Variants in SPAG16 observed in about 807,000 individuals in gnomAD.
SPAG16 encodes the protein sperm associated antigen 16.
SPAG16 carries 86 observed loss-of-function variants against 80.4 expected under a neutral mutation model. The observed-to-expected ratio is 1.07, with a 90% CI of 0.90 to 1.28. SPAG16 has a LOEUF of 1.28. SPAG16 is among the 50% of genes most tolerant of loss of function. The pLI, the probability that SPAG16 is intolerant of heterozygous loss-of-function variation, is 0.00. For synonymous variants in SPAG16, 294 were observed against 265.9 expected, an observed-to-expected ratio of 1.11 and a Z score of -1.03; for missense variants, 870 against 765.3, an observed-to-expected ratio of 1.14 and a Z score of -1.61.
intron 15 of SPAG16, chr2:214,239,030 A>C (rs916863955): frequency 6.6e-6 from 1 of 151,954 alleles, no homozygotes; most frequent in Non-Finnish European, 1.5e-5. Flanking sequence ...GGTTTAAAAA[A>C]CTCATAATAT....
intron 10 of SPAG16, among the ~76,000 whole-genome samples, chr2:213,742,943 G>A (rs769775003): frequency 1.8e-4 from 27 of 151,466 alleles, no homozygotes; most frequent in Non-Finnish European, 3.4e-4. Context: ...TCGCTCTGTC[G>A]CCCAGGCTGG....
chr2:214,076,543 C>G (rs5020193), intron 13 of SPAG16, among the ~76,000 whole-genome samples: 51,213 of 123,256 alleles, frequency 0.42, 9,299 homozygotes, highest in Middle Eastern at 0.47. Flanking sequence ...GTGTGTGTGT[C>G]TGTGTGTGTG....
intron 10 of SPAG16, among the ~76,000 whole-genome samples, chr2:213,513,855 C>T (rs553331642): frequency 6.6e-6 from 1 of 152,208 alleles, no homozygotes; most frequent in African/African-American, 2.4e-5. Context: ...TACTAACAGG[C>T]CATTTGCAGC....
At chr2:213,403,057 G>A (rs2125347172) in intron 9 of SPAG16, among the ~76,000 whole-genome samples, 1 of 151,906 alleles carries the variant, frequency 6.6e-6, no homozygotes, top group African/African-American at 2.4e-5. Flanking sequence ...GTGTCAAAGT[G>A]TTCCTATTTC....
intron 13 of SPAG16, among the ~76,000 whole-genome samples, chr2:214,053,460 G>C (rs528861939): frequency 1.3e-5 from 2 of 152,234 alleles, no homozygotes; most frequent in East Asian, 3.9e-4. Flanking sequence ...GCAGGAGTAG[G>C]CCTCTAGAAA....
At chr2:213,718,163 A>AG (rs914986173) in intron 10 of SPAG16, among the ~76,000 whole-genome samples, 2 of 151,016 alleles carry the variant, frequency 1.3e-5, no homozygotes, top group African/African-American at 2.4e-5. Context: ...AAAAAAAAAA[A>AG]AAAAAAGAAA....
chr2:213,541,345 A>C (rs997628890), intron 10 of SPAG16, among the ~76,000 whole-genome samples: 19 of 152,224 alleles, frequency 1.2e-4, no homozygotes, highest in African/African-American at 4.3e-4. Context: ...TGGGCCATGC[A>C]CGGTGGCTCA....
chr2:213,698,027 A>G (rs550903977), intron 10 of SPAG16, among the ~76,000 whole-genome samples: 22 of 152,204 alleles, frequency 1.4e-4, no homozygotes, highest in African/African-American at 5.1e-4. Context: ...ATATTTGGCA[A>G]GGTGCTCTTA....
intron 15 of SPAG16, among the ~76,000 whole-genome samples, chr2:214,350,050 GA>G (rs1455168505): frequency 6.6e-6 from 1 of 152,114 alleles, no homozygotes; most frequent in Non-Finnish European, 1.5e-5. Flanking sequence ...AACTTTATGA[GA>G]ACTGCTATTC....
chr2:214,214,872 A>G (rs974876454), intron 15 of SPAG16, among the ~76,000 whole-genome samples: 6 of 151,158 alleles, frequency 4.0e-5, no homozygotes, highest in African/African-American at 1.5e-4. Context: ...TCTACCATCT[A>G]GAATGCTCTG....
At chr2:213,620,708 T>G (rs534606813) in intron 10 of SPAG16, among the ~76,000 whole-genome samples, 24 of 152,210 alleles carry the variant, frequency 1.6e-4, no homozygotes, top group Non-Finnish European at 3.1e-4. Flanking sequence ...CATTACACAT[T>G]GTATATATAT....
chr2:213,766,840 G>T (rs896995533), intron 10 of SPAG16, among the ~76,000 whole-genome samples: 3 of 152,172 alleles, frequency 2.0e-5, no homozygotes, highest in Non-Finnish European at 2.9e-5. Context: ...AGCTAGAGAG[G>T]ACTGAATTCT....
intron 12 of SPAG16, among the ~76,000 whole-genome samples, chr2:213,946,515 T>C (rs2079480962): frequency 6.6e-6 from 1 of 152,242 alleles, no homozygotes; most frequent in African/African-American, 2.4e-5. Flanking sequence ...TTTATGTCTC[T>C]TTATTTTGAA....
intron 10 of SPAG16, among the ~76,000 whole-genome samples, chr2:213,692,813 A>AG (rs1210663188): frequency 6.6e-6 from 1 of 150,546 alleles, no homozygotes; most frequent in East Asian, 1.9e-4. Context: ...CGGTCTCGAA[A>AG]AAAAAAAAAA....
At chr2:213,996,117 C>T (rs2046503926) in intron 12 of SPAG16, among the ~76,000 whole-genome samples, 1 of 152,170 alleles carries the variant, frequency 6.6e-6, no homozygotes, top group African/African-American at 2.4e-5. Context: ...ATTACAAAGC[C>T]TGTTTCCCTG....
chr2:213,878,339 T>G (rs1476233920), intron 11 of SPAG16, among the ~76,000 whole-genome samples: 8 of 152,122 alleles, frequency 5.3e-5, no homozygotes, highest in Admixed American at 5.2e-4. Context: ...ATTGCCAATA[T>G]TTATTTTTTG....
chr2:214,139,087 C>T (rs2055213580), intron 14 of SPAG16, among the ~76,000 whole-genome samples: 1 of 152,116 alleles, frequency 6.6e-6, no homozygotes, highest in Admixed American at 6.6e-5. Context: ...ATTCTTTCTT[C>T]TGTCTAGGTC....
chr2:213,364,774 A>G (rs1050554259), intron 8 of SPAG16: 2 of 152,228 alleles, frequency 1.3e-5, no homozygotes, highest in East Asian at 3.8e-4. Flanking sequence ...CCTGACACTT[A>G]CAAGAGAGAT....
intron 10 of SPAG16, among the ~76,000 whole-genome samples, chr2:213,702,641 G>T (rs1006857195): frequency 6.6e-6 from 1 of 152,082 alleles, no homozygotes; most frequent in Non-Finnish European, 1.5e-5. Flanking sequence ...TTCATCATAT[G>T]ATACTTCCAA....
Sources: gnomAD v4.1 joint callset for allele counts (sites outside exome capture counted in the v4.1 genomes callset) on GRCh38, gnomAD v4.1.1 for gene constraint, MANE v1.5 for transcripts, NCBI Gene and HGNC (gene_info 2026-07-23, HGNC 2026-07-21) for gene names.